The following CDK14 variants were observed in gnomAD, a reference collection of about 807,000 sequenced individuals.
The protein encoded by CDK14 is cyclin dependent kinase 14, also known as cyclin-dependent kinase 14.
In CDK14, 34 loss-of-function variants were observed where a neutral mutation model predicts 60.7. The observed-to-expected ratio is 0.56, with a 90% confidence interval of 0.43 to 0.75. The LOEUF is 0.75. Ranked by LOEUF, CDK14 falls within the 30% of genes least tolerant of loss-of-function variation. The probability of loss-of-function intolerance (pLI) is 0.00; values close to 1 mark genes in which losing one functional copy is unlikely to be tolerated. For missense variants in CDK14, 482 were observed against 564.1 expected (o/e 0.85, Z 1.47); for synonymous variants, 197 against 203.7 (o/e 0.97, Z 0.28).
rs1803003670 is a variant in CDK14 at position 91,209,519 on chromosome 7, T to C, written c.*2383T>C. ...TGCTTCTTTTCTCTTCTGCCCTCCT[T>C]GTGGGCAGTCATGAAAATCAATTCA... On this transcript the variant is annotated 3_prime_UTR_variant, in exon 15 of 15. Transcript: ENST00000380050. The C allele has an allele frequency of 1.3e-5, 2 of 152,300 alleles. No homozygotes were observed. The highest frequency in any genetic ancestry group is 2.1e-4 in the South Asian group (1 of 4,792). 9.4% of individuals were successfully genotyped at this position (152,300 alleles called of 1,614,324 possible).
At chr7:90,677,524 A>G (rs1801226844) in intron 2 of CDK14, among the ~76,000 whole-genome samples, 1 of 152,216 alleles carries the variant, frequency 6.6e-6, no homozygotes, top group Admixed American at 6.5e-5. Context: ...GTGTTCTTAA[A>G]ATCTAACCTG....
intron 7 of CDK14, among the ~76,000 whole-genome samples, chr7:90,902,721 AC>A (rs1792553547): frequency 2.0e-5 from 3 of 152,190 alleles, no homozygotes; most frequent in African/African-American, 7.2e-5. Context: ...AAAACAGGCA[AC>A]AAAAATAAAA....
intron 5 of CDK14, among the ~76,000 whole-genome samples, chr7:90,808,747 G>A (rs1788966457): frequency 6.6e-6 from 1 of 152,056 alleles, no homozygotes; most frequent in Admixed American, 6.6e-5. Flanking sequence ...ACACACATAG[G>A]CTCAAAATAA....
At chr7:90,667,084 T>G (rs979803903) in intron 2 of CDK14, among the ~76,000 whole-genome samples, 8 of 152,200 alleles carry the variant, frequency 5.3e-5, no homozygotes, top group Non-Finnish European at 1.2e-4. Flanking sequence ...TTGCACATAA[T>G]AGGTATAAAT....
At chr7:91,086,245 C>T (rs767850800) in intron 12 of CDK14, among the ~76,000 whole-genome samples, 1 of 152,082 alleles carries the variant, frequency 6.6e-6, no homozygotes, top group Non-Finnish European at 1.5e-5. Flanking sequence ...TCTGGAGTAC[C>T]CAATAAGCAT....
intron 2 of CDK14, among the ~76,000 whole-genome samples, chr7:90,721,363 A>G (rs983042089): frequency 6.6e-6 from 1 of 152,156 alleles, no homozygotes; most frequent in African/African-American, 2.4e-5. Flanking sequence ...TTTGGCCTTT[A>G]TAGTAACTTT....
intron 4 of CDK14, among the ~76,000 whole-genome samples, chr7:90,768,779 A>T (rs947915242): frequency 6.6e-6 from 1 of 152,344 alleles, no homozygotes; most frequent in Non-Finnish European, 1.5e-5. Flanking sequence ...TTTTAAAATC[A>T]TGGTAAAACG....
At chr7:90,965,357 G>C (rs1049139181) in intron 9 of CDK14, among the ~76,000 whole-genome samples, 1 of 152,152 alleles carries the variant, frequency 6.6e-6, no homozygotes, top group African/African-American at 2.4e-5. Context: ...TGAGAGGAGA[G>C]AGTGACTGTA....
At chr7:90,834,281 T>C (rs1428376618) in intron 5 of CDK14, among the ~76,000 whole-genome samples, 1 of 152,206 alleles carries the variant, frequency 6.6e-6, no homozygotes, top group Admixed American at 6.6e-5. Flanking sequence ...ACAGTGGTAG[T>C]AGGTATTATT....
intron 2 of CDK14, among the ~76,000 whole-genome samples, chr7:90,613,145 T>C (rs1214575339): frequency 1.3e-5 from 2 of 152,192 alleles, no homozygotes; most frequent in Non-Finnish European, 2.9e-5. Flanking sequence ...CTCAAATGTC[T>C]GCGTAGTGCT....
intron 2 of CDK14, among the ~76,000 whole-genome samples, chr7:90,633,045 G>A (rs1740349917): frequency 6.6e-6 from 1 of 150,492 alleles, no homozygotes; most frequent in Admixed American, 6.6e-5. Flanking sequence ...GCAGTAAGCC[G>A]AGACTGTGCT....
intron 5 of CDK14, among the ~76,000 whole-genome samples, chr7:90,792,051 C>T (rs113352087): frequency 0.073 from 11,146 of 151,880 alleles, 514 homozygotes; most frequent in South Asian, 0.11. Flanking sequence ...TACAGGCGTG[C>T]GCCACTACGC....
chr7:91,029,833 A>G (rs946072515), intron 10 of CDK14, among the ~76,000 whole-genome samples: 1 of 144,396 alleles, frequency 6.9e-6, no homozygotes, highest in Non-Finnish European at 1.6e-5. Flanking sequence ...AGAGTTTTCA[A>G]GGTACAAGAC....
chr7:90,791,918 T>TC (rs55976742), intron 5 of CDK14, among the ~76,000 whole-genome samples: 1 of 151,314 alleles, frequency 6.6e-6, no homozygotes, highest in Non-Finnish European at 1.5e-5. Context: ...TTTTTTTTTT[T>TC]CTGGGACAGA....
intron 14 of CDK14, among the ~76,000 whole-genome samples, chr7:91,132,454 A>T (rs528728750): frequency 6.6e-6 from 1 of 152,294 alleles, no homozygotes; most frequent in South Asian, 2.1e-4. Flanking sequence ...CTTGAATGAC[A>T]TGCTGAAGAG....
rs3814098 is a variant in CDK14 at position 91,209,554 on chromosome 7, G to T, written c.*2418G>T. ...CATGAAAATCAATTCAGACTGTGTT[G>T]ATTAGCAGATTTATTATTCTATTGA... On this transcript the variant is annotated 3_prime_UTR_variant, in exon 15 of 15. Coordinates refer to ENST00000380050, the MANE Select transcript of CDK14 (RefSeq NM_001287135.2). 6.6e-6 allele frequency: 1 copy of T among 152,396 alleles called. No homozygotes were observed. Among genetic ancestry groups the T allele is most frequent in the Non-Finnish European group, 1.5e-5 (1 of 67,996 alleles). The allele number at this position is 152,396 out of a possible 1,614,324, so 9.4% of individuals were successfully genotyped here.
rs1406724959 is a variant in CDK14, at chr7:90,851,294, T to G, written c.545-11881T>G. On this transcript the variant is annotated intron_variant, in intron 5 of 14. Coordinates refer to ENST00000380050, the MANE Select transcript of CDK14 (RefSeq NM_001287135.2). ...GTTGTGCATGGTGAATCAATCACCC[T>G]GTGTATCAGTCAAATTACAAATATA... Among the ~76,000 whole-genome samples the G allele has an allele frequency of 2.6e-5, 4 of 152,170 alleles. No individual in the cohort carries two copies. In the South Asian group the frequency reaches 6.2e-4, roughly 24 times the overall value.
chr7:90,986,832 T>A (rs1324475199), intron 10 of CDK14, among the ~76,000 whole-genome samples: 1 of 151,978 alleles, frequency 6.6e-6, no homozygotes, highest in African/African-American at 2.4e-5. Context: ...TAGACTCCAC[T>A]TTTCAGCCTC....
At chr7:90,715,854 A>C (rs79738254) in intron 2 of CDK14, among the ~76,000 whole-genome samples, 2 of 152,024 alleles carry the variant, frequency 1.3e-5, no homozygotes, top group East Asian at 3.9e-4. Context: ...ATCTCAAAAC[A>C]AAGTCACCCG....
Sources: gnomAD v4.1 joint callset for allele counts (sites outside exome capture counted in the v4.1 genomes callset) on GRCh38, gnomAD v4.1.1 for gene constraint, MANE v1.5 for transcripts, NCBI Gene and HGNC (gene_info 2026-07-23, HGNC 2026-07-21) for gene names.